CREBRF: variants seen among roughly 807,000 people sequenced by gnomAD.
CREBRF encodes the protein UPF0474 protein C5orf41.
In CREBRF, 5 loss-of-function variants were observed where a neutral mutation model predicts 66.1. The observed-to-expected ratio is 0.08, with a 90% CI of 0.04 to 0.16. CREBRF has a LOEUF of 0.16. Ranked by LOEUF, CREBRF falls within the 10% of genes least tolerant of loss-of-function variation. The pLI, the probability that CREBRF is intolerant of heterozygous loss-of-function variation, is 1.00. For missense variants in CREBRF, 531 were observed against 744.9 expected, an observed-to-expected ratio of 0.71 and a Z score of 3.34; for synonymous variants, 229 against 264.4, an observed-to-expected ratio of 0.87 and a Z score of 1.30.
chr5:173,106,812 C>T (rs192613300), intron 4 of CREBRF, among the ~76,000 whole-genome samples: 12 of 152,034 alleles, frequency 7.9e-5, no homozygotes, highest in South Asian at 2.1e-4. Context: ...TGCAATGGCA[C>T]GCTCTTGGCT....
chr5:173,058,786 CTTTTTTTTT>C lies in CREBRF; in HGVS notation c.-192+2326_-192+2334del, dbSNP rs70984932. Among the ~76,000 whole-genome samples, 146 of 64,094 alleles carry C rather than the reference CTTTTTTTTT, an allele frequency of 2.3e-3. 1 individual carries two copies. Among genetic ancestry groups the C allele is most frequent in the African/African-American group, 7.5e-3 (134 of 17,958 alleles). 42.0% of individuals were successfully genotyped at this position (64,094 alleles called of 152,430 possible). On this transcript the variant is annotated intron_variant, in intron 1 of 8. Coordinates refer to ENST00000296953, the MANE Select transcript of CREBRF (RefSeq NM_153607.3). ...AGGCGTGAGCCACCGCGCCCAGCCT[CTTTTTTTTT>C]TTTTTTTTTTTTTTTTTTAAGACGG...
At chr5:173,074,282 C>T (rs1406979228) in intron 1 of CREBRF, among the ~76,000 whole-genome samples, 16 of 130,526 alleles carry the variant, frequency 1.2e-4, no homozygotes, top group Non-Finnish European at 2.5e-4. Flanking sequence ...GCCTAGGCAA[C>T]AAGAGTGAAA....
intron 4 of CREBRF, among the ~76,000 whole-genome samples, chr5:173,100,725 C>G (rs919216248): frequency 5.3e-5 from 8 of 152,358 alleles, no homozygotes; most frequent in African/African-American, 1.9e-4. Flanking sequence ...CGCTCCCCCC[C>G]AACCCATATG....
intron 1 of CREBRF, among the ~76,000 whole-genome samples, chr5:173,058,466 TAACTGA>T (rs1176842310): frequency 6.6e-6 from 1 of 152,076 alleles, no homozygotes; most frequent in African/African-American, 2.4e-5. Flanking sequence ...GAATAATTGG[TAACTGA>T]TTCATCAATT....
chr5:173,063,243 CTT>C (rs138130245), intron 1 of CREBRF, among the ~76,000 whole-genome samples: 56 of 152,306 alleles, frequency 3.7e-4, no homozygotes, highest in African/African-American at 1.3e-3. Flanking sequence ...GCTTTCCGTA[CTT>C]AACTCTTGGC....
chr5:173,117,208 A>G (rs1000848949), intron 7 of CREBRF, among the ~76,000 whole-genome samples: 7 of 151,948 alleles, frequency 4.6e-5, no homozygotes, highest in African/African-American at 1.4e-4. Context: ...GTGAAATCCC[A>G]TTTCTACTAA....
At chr5:173,131,057 C>T (rs974694863) in intron 8 of CREBRF, among the ~76,000 whole-genome samples, 1 of 152,112 alleles carries the variant, frequency 6.6e-6, no homozygotes, top group African/African-American at 2.4e-5. Flanking sequence ...GCTGTGTTGC[C>T]CAGGCTAAGC....
chr5:173,126,071 C>T (rs1759267686), intron 8 of CREBRF, among the ~76,000 whole-genome samples: 1 of 152,146 alleles, frequency 6.6e-6, no homozygotes, highest in African/African-American at 2.4e-5. Flanking sequence ...TTCCCTCCCT[C>T]ATTTTATTTG....
At chr5:173,116,927 G>A (rs959076368) in intron 7 of CREBRF, among the ~76,000 whole-genome samples, 3 of 151,060 alleles carry the variant, frequency 2.0e-5, no homozygotes, top group African/African-American at 7.3e-5. Flanking sequence ...AATCTAATGG[G>A]TGTGTGATGG....
intron 1 of CREBRF, among the ~76,000 whole-genome samples, chr5:173,069,883 A>G (rs750636415): frequency 3.3e-5 from 5 of 151,936 alleles, no homozygotes; most frequent in Non-Finnish European, 4.4e-5. Context: ...AAGGTGCCAA[A>G]TCTGAGAAAG....
At chr5:173,100,421 T>C (rs994164087) in intron 4 of CREBRF, among the ~76,000 whole-genome samples, 1 of 151,878 alleles carries the variant, frequency 6.6e-6, no homozygotes, top group African/African-American at 2.4e-5. Context: ...TACTTTCATG[T>C]TTTTCTTTTC....
chr5:173,102,767 A>G (rs1758657382), intron 4 of CREBRF, among the ~76,000 whole-genome samples: 1 of 151,490 alleles, frequency 6.6e-6, no homozygotes, highest in South Asian at 2.1e-4. Flanking sequence ...GGAGTCCAGG[A>G]CTCCAGGGAT....
intron 8 of CREBRF, among the ~76,000 whole-genome samples, chr5:173,129,319 T>C (rs909777421): frequency 6.7e-6 from 1 of 150,000 alleles, no homozygotes; most frequent in Non-Finnish European, 1.5e-5. Flanking sequence ...GGTTTCACCG[T>C]GTCAGCCAGG....
At chr5:173,098,062 T>C (rs567022078) in intron 4 of CREBRF, among the ~76,000 whole-genome samples, 3 of 152,274 alleles carry the variant, frequency 2.0e-5, no homozygotes, top group East Asian at 1.9e-4. Context: ...AGTTTTGATA[T>C]GTTGTGTTTC....
chr5:173,121,018 A>C (rs527889544), intron 7 of CREBRF, among the ~76,000 whole-genome samples: 20 of 151,876 alleles, frequency 1.3e-4, no homozygotes, highest in Non-Finnish European at 2.4e-4. Flanking sequence ...GTGGATTTTA[A>C]ATTGTGTTTT....
At chr5:173,131,767 C>CT (rs1759432354) in intron 8 of CREBRF, among the ~76,000 whole-genome samples, 2 of 152,106 alleles carry the variant, frequency 1.3e-5, no homozygotes, top group African/African-American at 2.4e-5. Flanking sequence ...GAGTCTTGCT[C>CT]TGTCACCCTG....
chr5:173,089,701 C>A (rs1258285431), intron 3 of CREBRF, among the ~76,000 whole-genome samples: 1 of 150,970 alleles, frequency 6.6e-6, no homozygotes, highest in Non-Finnish European at 1.5e-5. Flanking sequence ...CTCTAAAATT[C>A]GTGAGGAGTA....
intron 4 of CREBRF, among the ~76,000 whole-genome samples, chr5:173,101,737 A>T (rs866580745): frequency 5.3e-5 from 8 of 151,994 alleles, no homozygotes; most frequent in Admixed American, 2.6e-4. Context: ...TTTAGTAGAG[A>T]CGGGGTTTCA....
chr5:173,116,377 A>G (rs925757641), intron 7 of CREBRF, among the ~76,000 whole-genome samples: 23 of 152,194 alleles, frequency 1.5e-4, no homozygotes, highest in African/African-American at 5.3e-4. Flanking sequence ...CCCCTTTGTA[A>G]GTCATTCTGC....
Sources: gnomAD v4.1 joint callset for allele counts (sites outside exome capture counted in the v4.1 genomes callset) on GRCh38, gnomAD v4.1.1 for gene constraint, MANE v1.5 for transcripts, NCBI Gene and HGNC (gene_info 2026-07-23, HGNC 2026-07-21) for gene names.